Variants in WWOX observed in about 807,000 individuals in gnomAD.
WWOX encodes WW domain containing oxidoreductase.
WWOX carries 69 observed loss-of-function variants against 46.2 expected under a neutral mutation model. The observed-to-expected ratio is 1.49, with a 90% CI of 1.23 to 1.82. The LOEUF is 1.82. Among genes scored for constraint, WWOX ranks in the 40% most tolerant of loss-of-function variants. The pLI, the probability that WWOX is intolerant of heterozygous loss-of-function variation, is 0.00. For missense variants in WWOX, 919 were observed against 542.6 expected (o/e 1.69, Z -6.89); for synonymous variants, 359 against 202.6 (o/e 1.77, Z -6.56).
intron 8 of WWOX, among the ~76,000 whole-genome samples, chr16:78,625,209 C>A (rs546382715): frequency 6.6e-6 from 1 of 152,302 alleles, no homozygotes; most frequent in African/African-American, 2.4e-5. Flanking sequence ...AGCTGCAGTT[C>A]TGCGTTTAGG....
intron 8 of WWOX, among the ~76,000 whole-genome samples, chr16:78,850,262 A>C (rs940700491): frequency 6.6e-6 from 1 of 152,176 alleles, no homozygotes; most frequent in Non-Finnish European, 1.5e-5. Context: ...AGCCATGGTC[A>C]GTATTTGGTT....
intron 8 of WWOX, among the ~76,000 whole-genome samples, chr16:78,822,381 C>G (rs771281260): frequency 1.3e-5 from 2 of 152,136 alleles, no homozygotes; most frequent in Non-Finnish European, 2.9e-5. Flanking sequence ...GTAATCTTAG[C>G]TACTCAAGAG....
At chr16:78,865,960 A>G (rs2151197268) in intron 8 of WWOX, among the ~76,000 whole-genome samples, 1 of 152,360 alleles carries the variant, frequency 6.6e-6, no homozygotes, top group Non-Finnish European at 1.5e-5. Context: ...TTTAACAATA[A>G]TGGTTTTTAA....
At chr16:78,448,920 T>A (rs2151407654) in intron 8 of WWOX, among the ~76,000 whole-genome samples, 1 of 152,288 alleles carries the variant, frequency 6.6e-6, no homozygotes, top group East Asian at 1.9e-4. Context: ...CTTTTTGAAG[T>A]CCTTGGGTCG....
intron 8 of WWOX, among the ~76,000 whole-genome samples, chr16:78,759,218 A>G (rs867821042): frequency 9.9e-5 from 15 of 152,202 alleles, no homozygotes; most frequent in African/African-American, 2.2e-4. Context: ...AGGGTAATCA[A>G]CTGGGAACCC....
chr16:78,266,653 T>C (rs533814048), intron 5 of WWOX, among the ~76,000 whole-genome samples: 2 of 152,278 alleles, frequency 1.3e-5, no homozygotes, highest in South Asian at 4.2e-4. Flanking sequence ...AGATTCCTCA[T>C]CAAATGGAAG....
At chr16:78,138,253 G>T (rs775211639) in intron 4 of WWOX, among the ~76,000 whole-genome samples, 2 of 150,820 alleles carry the variant, frequency 1.3e-5, no homozygotes, top group African/African-American at 4.9e-5. Flanking sequence ...TGTGTTCAAT[G>T]ACTTACCTCT....
chr16:78,561,431 G>T (rs561521132), intron 8 of WWOX, among the ~76,000 whole-genome samples: 1 of 152,126 alleles, frequency 6.6e-6, no homozygotes, highest in African/African-American at 2.4e-5. Flanking sequence ...TATCTTAAGG[G>T]CAACTGATGT....
At chr16:78,407,616 G>C (rs757076040) in intron 6 of WWOX, among the ~76,000 whole-genome samples, 4 of 152,052 alleles carry the variant, frequency 2.6e-5, no homozygotes, top group Non-Finnish European at 5.9e-5. Flanking sequence ...TCTCATTCTT[G>C]GGTTCCTTGA....
At chr16:78,843,362 A>G (rs1187933063) in intron 8 of WWOX, among the ~76,000 whole-genome samples, 2 of 150,132 alleles carry the variant, frequency 1.3e-5, no homozygotes, top group Non-Finnish European at 3.0e-5. Flanking sequence ...CAATCTGGAA[A>G]ACGATTATTG....
intron 8 of WWOX, among the ~76,000 whole-genome samples, chr16:79,086,375 A>T (rs1007708652): frequency 6.6e-6 from 1 of 152,210 alleles, no homozygotes; most frequent in African/African-American, 2.4e-5. Context: ...GCAAGCTTTG[A>T]GATGAGAAAG....
intron 5 of WWOX, among the ~76,000 whole-genome samples, chr16:78,297,712 GGAGCCTATGGA>G (rs1597454285): frequency 1.3e-5 from 2 of 152,074 alleles, no homozygotes; most frequent in Non-Finnish European, 2.9e-5. Context: ...CTACGAACTG[GGAGCCTATGGA>G]GACCTATGCA....
chr16:78,437,410 A>G (rs1470536681), intron 8 of WWOX, among the ~76,000 whole-genome samples: 1 of 152,200 alleles, frequency 6.6e-6, no homozygotes, highest in Non-Finnish European at 1.5e-5. Context: ...TTGCCCTTTT[A>G]CAGTTACACA....
chr16:78,765,266 G>A (rs1197381500), intron 8 of WWOX, among the ~76,000 whole-genome samples: 1 of 152,252 alleles, frequency 6.6e-6, no homozygotes, highest in African/African-American at 2.4e-5. Context: ...GGAATGAGAA[G>A]AGCCCAGTAG....
rs116669512 is a variant in WWOX at position 78,593,335 on chromosome 16, C to A, written c.1056+160583C>A. Among the ~76,000 whole-genome samples the A allele has an allele frequency of 4.0e-3, 609 of 152,296 alleles. 4 individuals carry two copies. The highest frequency in any genetic ancestry group is 0.014 in the African/African-American group (584 of 41,564). ...GGATTATAGGCTTGAACCACCATCC[C>A]TGGCCTTGATACTGATATTTTATTG... is the stretch of plus-strand genomic sequence containing the variant. On this transcript the variant is annotated intron_variant, in intron 8 of 8. Coordinates refer to ENST00000566780, the MANE Select transcript of WWOX (RefSeq NM_016373.4).
intron 5 of WWOX, among the ~76,000 whole-genome samples, chr16:78,261,848 G>T (rs1221323542): frequency 6.8e-6 from 1 of 147,354 alleles, no homozygotes; most frequent in East Asian, 2.0e-4. Context: ...TCGAATCACA[G>T]TTGTAATTCA....
chr16:78,242,260 C>T (rs778702430), intron 5 of WWOX, among the ~76,000 whole-genome samples: 1 of 152,144 alleles, frequency 6.6e-6, no homozygotes, highest in South Asian at 2.1e-4. Context: ...GTTTCTGCAG[C>T]GTTTTTGAAA....
intron 5 of WWOX, among the ~76,000 whole-genome samples, chr16:78,173,748 T>A (rs1216388900): frequency 2.0e-5 from 3 of 152,164 alleles, no homozygotes; most frequent in African/African-American, 7.2e-5. Flanking sequence ...TAAATCTTGT[T>A]GGAGCAATAT....
chr16:78,837,294 T>C (rs1031138956), intron 8 of WWOX, among the ~76,000 whole-genome samples: 1 of 152,214 alleles, frequency 6.6e-6, no homozygotes, highest in Non-Finnish European at 1.5e-5. Flanking sequence ...CATTTTCATT[T>C]CTTCCAACAC....
Sources: allele counts gnomAD v4.1 joint callset (sites outside exome capture counted in the v4.1 genomes callset), GRCh38; gene constraint gnomAD v4.1.1; transcripts MANE v1.5; gene names NCBI Gene and HGNC (gene_info 2026-07-23, HGNC 2026-07-21).